Variants in METTL15 observed in about 807,000 individuals in gnomAD.
METTL15 encodes methyltransferase 15, mitochondrial 12S rRNA N4-cytidine.
Under a neutral mutation model 38.3 loss-of-function variants are expected in METTL15, and 34 were observed. The ratio of observed to expected loss-of-function variants is 0.89; its 90% confidence interval spans 0.68 to 1.18. METTL15 has a LOEUF of 1.18. Ranked by LOEUF, METTL15 falls within the 50% of genes most tolerant of loss-of-function variation. METTL15 has a pLI of 0.00. For synonymous variants in METTL15, 162 were observed against 170.9 expected (o/e 0.95, Z 0.41); for missense variants, 438 against 498.4 (o/e 0.88, Z 1.15).
intron 6 of METTL15, among the ~76,000 whole-genome samples, chr11:28,500,287 A>G (rs947433566): frequency 2.6e-5 from 4 of 152,172 alleles, no homozygotes; most frequent in African/African-American, 4.8e-5. Context: ...TCAGCTTCCA[A>G]TCCAACCACT....
At chr11:28,399,087 GT>G (rs1421928526) in intron 5 of METTL15, 5 of 151,986 alleles carry the variant, frequency 3.3e-5, no homozygotes, top group Non-Finnish European at 7.4e-5. Context: ...CATAATACTG[GT>G]ACCAAAACAG....
chr11:28,246,848 A>C (rs1451605054), intron 4 of METTL15, among the ~76,000 whole-genome samples: 1 of 152,178 alleles, frequency 6.6e-6, no homozygotes, highest in Non-Finnish European at 1.5e-5. Context: ...GCAGCTAGTT[A>C]ATCACTTGAC....
At chr11:28,193,960 T>TTTTTTC (rs1264145535) in intron 3 of METTL15, among the ~76,000 whole-genome samples, 1 of 152,026 alleles carries the variant, frequency 6.6e-6, no homozygotes, top group Non-Finnish European at 1.5e-5. Flanking sequence ...ACTTGAATCT[T>TTTTTTC]TTTTTCTTAG....
chr11:28,269,787 G>C (rs1855570330), intron 4 of METTL15, among the ~76,000 whole-genome samples: 2 of 152,308 alleles, frequency 1.3e-5, no homozygotes, highest in South Asian at 4.1e-4. Context: ...AATATGTGCT[G>C]TGCATCCATG....
chr11:28,444,380 T>G (rs1286109207), intron 6 of METTL15, among the ~76,000 whole-genome samples: 2 of 152,170 alleles, frequency 1.3e-5, no homozygotes, highest in Admixed American at 6.5e-5. Flanking sequence ...TTTAAGAAAG[T>G]ATAAATAAAA....
chr11:28,502,120 A>G (rs1851589512), intron 6 of METTL15, among the ~76,000 whole-genome samples: 1 of 151,838 alleles, frequency 6.6e-6, no homozygotes, highest in African/African-American at 2.4e-5. Context: ...AAAAAGAAAA[A>G]AAAAGCTCTT....
At chr11:28,486,683 C>G (rs1230088357) in intron 6 of METTL15, among the ~76,000 whole-genome samples, 1 of 152,168 alleles carries the variant, frequency 6.6e-6, no homozygotes, top group African/African-American at 2.4e-5. Context: ...AGCTGGAAGC[C>G]TGTCTGACAG....
chr11:28,222,687 C>A (rs1008897187), intron 4 of METTL15, among the ~76,000 whole-genome samples: 1 of 152,158 alleles, frequency 6.6e-6, no homozygotes, highest in African/African-American at 2.4e-5. Flanking sequence ...ATTCGGCCAT[C>A]TTGGAACCAC....
rs571247073 is a variant in METTL15, at chr11:28,185,082, G to T, written c.271-25980G>T. On this transcript the variant is annotated intron_variant, in intron 3 of 6. Coordinates refer to ENST00000407364, the MANE Select transcript of METTL15 (RefSeq NM_001113528.2). ...AATTATAAGGTTACTGTTTTATATA[G>T]AGTCTTTAACTGTTTTCTAATTTTG... Among the ~76,000 whole-genome samples, 17 of 151,584 alleles carry T rather than the reference G, an allele frequency of 1.1e-4. No individual in the cohort carries two copies. The South Asian group carries it at 3.1e-3, about 28-fold the overall frequency.
intron 3 of METTL15, among the ~76,000 whole-genome samples, chr11:28,196,853 T>A (rs1049269552): frequency 6.6e-6 from 1 of 152,078 alleles, no homozygotes; most frequent in Admixed American, 6.6e-5. Flanking sequence ...TAGTAATAAG[T>A]CAGGGTACCA....
chr11:28,144,098 C>A (rs1474940009), intron 3 of METTL15, among the ~76,000 whole-genome samples: 1 of 152,168 alleles, frequency 6.6e-6, no homozygotes, highest in Non-Finnish European at 1.5e-5. Flanking sequence ...ACAAGTTCAT[C>A]ATTTTAACCC....
At chr11:28,133,364 G>A (rs1435851925) in intron 3 of METTL15, among the ~76,000 whole-genome samples, 1 of 152,118 alleles carries the variant, frequency 6.6e-6, no homozygotes, top group Non-Finnish European at 1.5e-5. Flanking sequence ...CAGGCTTACT[G>A]TGGTCACTTT....
At chr11:28,185,005 A>T (rs528321992) in intron 3 of METTL15, among the ~76,000 whole-genome samples, 1 of 151,516 alleles carries the variant, frequency 6.6e-6, no homozygotes, top group African/African-American at 2.4e-5. Context: ...CACATTTTAC[A>T]TAATGTGTTG....
At chr11:28,311,230 TGAGA>T (rs1352691827) in intron 6 of METTL15, among the ~76,000 whole-genome samples, 1 of 152,122 alleles carries the variant, frequency 6.6e-6, no homozygotes, top group East Asian at 1.9e-4. Context: ...TCTTTCTCAG[TGAGA>T]GAAACAGGCA....
At chr11:28,321,970 TAATA>T (rs1392253922) in intron 6 of METTL15, among the ~76,000 whole-genome samples, 1 of 152,026 alleles carries the variant, frequency 6.6e-6, no homozygotes, top group Non-Finnish European at 1.5e-5. Context: ...ATGTACTGTT[TAATA>T]AATAAGTTGA....
intron 6 of METTL15, among the ~76,000 whole-genome samples, chr11:28,475,669 A>C (rs1441769662): frequency 6.6e-6 from 1 of 152,168 alleles, no homozygotes; most frequent in Non-Finnish European, 1.5e-5. Flanking sequence ...TAGGCTCCCA[A>C]GGTTGCAGTT....
chr11:28,469,290 A>G (rs1221306861), intron 6 of METTL15, among the ~76,000 whole-genome samples: 1 of 152,098 alleles, frequency 6.6e-6, no homozygotes, highest in Admixed American at 6.6e-5. Flanking sequence ...GACAAGTAAG[A>G]GTTGTATATA....
chr11:28,522,760 C>A (rs1851774305), intron 6 of METTL15, among the ~76,000 whole-genome samples: 1 of 152,150 alleles, frequency 6.6e-6, no homozygotes, highest in Non-Finnish European at 1.5e-5. Flanking sequence ...AGGGCAGAAC[C>A]AGTTGCCACT....
intron 3 of METTL15, among the ~76,000 whole-genome samples, chr11:28,207,721 T>C (rs1852418350): frequency 6.6e-6 from 1 of 152,198 alleles, no homozygotes. Context: ...AGAATTTGGC[T>C]GTGAATCCAT....
Sources: gnomAD v4.1 joint callset for allele counts (sites outside exome capture counted in the v4.1 genomes callset) on GRCh38, gnomAD v4.1.1 for gene constraint, MANE v1.5 for transcripts, NCBI Gene and HGNC (gene_info 2026-07-23, HGNC 2026-07-21) for gene names.